Variants in PKD1L3 observed in about 807,000 individuals in gnomAD.
The protein encoded by PKD1L3 is polycystin-1-like protein 3.
Under a neutral mutation model 184.1 loss-of-function variants are expected in PKD1L3, and 239 were observed. That is an observed-to-expected ratio of 1.30 (90% CI 1.17 to 1.45). PKD1L3 has a LOEUF of 1.45. PKD1L3 is among the 40% of genes most tolerant of loss of function. The pLI, the probability that PKD1L3 is intolerant of heterozygous loss-of-function variation, is 0.00. For synonymous variants in PKD1L3, 996 were observed against 778.8 expected (o/e 1.28, Z -4.64); for missense variants, 2,660 against 2,067.2 (o/e 1.29, Z -5.56).
intron 2 of PKD1L3, among the ~76,000 whole-genome samples, chr16:71,996,539 C>A (rs1343713539): frequency 6.6e-6 from 1 of 152,138 alleles, no homozygotes; most frequent in Non-Finnish European, 1.5e-5. Context: ...GGATTACAGG[C>A]ATGAGCCACT....
chr16:71,947,761 G>A (rs1324287232), intron 21 of PKD1L3, among the ~76,000 whole-genome samples, 170 bp from the exon 22 acceptor site: 1 of 152,198 alleles, frequency 6.6e-6, no homozygotes, highest in Non-Finnish European at 1.5e-5. Flanking sequence ...GGTACCAGGA[G>A]AAGGACCATC....
intron 9 of PKD1L3, among the ~76,000 whole-genome samples, chr16:71,979,022 T>C (rs577796571): frequency 1.3e-5 from 2 of 152,250 alleles, no homozygotes; most frequent in Non-Finnish European, 2.9e-5. Context: ...GTAACTGTTC[T>C]GCTCTTCAGG....
intron 13 of PKD1L3, among the ~76,000 whole-genome samples, chr16:71,968,810 G>T (rs557023349): frequency 3.1e-4 from 47 of 152,118 alleles, no homozygotes; most frequent in Non-Finnish European, 4.6e-4. Flanking sequence ...TGGCCAGGCT[G>T]GTCTTGAACT....
Position 71,951,603 on chromosome 16 carries a change from G to A in PKD1L3, c.3151C>T (p.Gln1051Ter). The A allele has an allele frequency of 6.4e-7, 1 of 1,551,812 alleles. No individual in the cohort carries two copies. The highest frequency in any genetic ancestry group is 8.7e-7 in the Non-Finnish European group (1 of 1,147,008). Residue 1051 changes from glutamine to a stop codon, truncating the protein, a stop_gained, in exon 19 of 30, where the codon CAA becomes TAA. Coordinates refer to ENST00000620267, the MANE Select transcript of PKD1L3 (RefSeq NM_181536.2). LOFTEE classifies it high-confidence loss of function. ...CGCTCTCCCTGCTGATGACAGCCTT[G>A]ACCCTCCAAGTGAGATGATACGAGG... The part of the protein sequence containing the change: ...SSLVSSHLEG[Q>*]GCHQQGERHW...
At chr16:71,960,386 A>G (rs1298558131) in intron 16 of PKD1L3, among the ~76,000 whole-genome samples, 1 of 152,208 alleles carries the variant, frequency 6.6e-6, no homozygotes, top group Non-Finnish European at 1.5e-5. Flanking sequence ...TGTTGCTTGC[A>G]AGACATAACT....
chr16:71,943,537 C>CAAAA (rs10693124), intron 23 of PKD1L3, among the ~76,000 whole-genome samples: 9,786 of 83,976 alleles, frequency 0.12, 890 homozygotes, highest in Non-Finnish European at 0.15. Context: ...GACTCCGTCT[C>CAAAA]AAAAAAAAAA....
At chr16:71,963,868 C>A (rs2032606877) in intron 15 of PKD1L3, among the ~76,000 whole-genome samples, 1 of 152,194 alleles carries the variant, frequency 6.6e-6, no homozygotes, top group Admixed American at 6.5e-5. Context: ...AGACTGCAAA[C>A]CTTTCTCACC....
intron 24 of PKD1L3, 134 bp downstream of exon 24, chr16:71,942,426 A>G: frequency 5.8e-6 from 4 of 685,902 alleles, no homozygotes; most frequent in Non-Finnish European, 9.8e-6. Flanking sequence ...TTGGAGATGT[A>G]AGTCTCCAAC....
intron 23 of PKD1L3, 69 bp downstream of exon 23, chr16:71,943,961 T>C: frequency 6.9e-7 from 1 of 1,452,534 alleles, no homozygotes; most frequent in Non-Finnish European, 9.2e-7. Context: ...TTCCATTTTA[T>C]TCTCTCTCTT....
At chr16:71,961,597 C>T (rs2039282157) in intron 16 of PKD1L3, among the ~76,000 whole-genome samples, 1 of 152,054 alleles carries the variant, frequency 6.6e-6, no homozygotes, top group South Asian at 2.1e-4. Context: ...CACAGATGAG[C>T]TCTCAGTTGA....
Position 71,977,356 on chromosome 16 carries a change from C to G in PKD1L3, c.1639G>C (p.Val547Leu), listed in dbSNP as rs1269545389. The G allele has an allele frequency of 6.5e-7, 1 of 1,548,988 alleles. No homozygotes were observed. Among genetic ancestry groups the G allele is most frequent in the Non-Finnish European group, 8.7e-7 (1 of 1,144,674 alleles). Reference sequence around the variant, plus strand: ...AGGGGACTGTCAGGATCTATGCTCACTATCAAGGATTTCTCCAAGGAAGTG... The same window carrying G: ...AGGGGACTGTCAGGATCTATGCTCAGTATCAAGGATTTCTCCAAGGAAGTG... Reference protein sequence around the residue: ...NVTSLEKSLIVSIDPDSPLLM... With the variant: ...NVTSLEKSLILSIDPDSPLLM... Residue 547 changes from valine to leucine, a missense_variant, in exon 11 of 30, where the codon GTG becomes CTG. By Grantham distance (32) the Val-to-Leu change is conservative. Transcript: ENST00000620267.
chr16:71,934,815 G>A (rs1275620432), intron 26 of PKD1L3, among the ~76,000 whole-genome samples: 1 of 152,156 alleles, frequency 6.6e-6, no homozygotes, highest in African/African-American at 2.4e-5. Flanking sequence ...CACCACCCAG[G>A]CTGTTGGCCA....
intron 12 of PKD1L3, among the ~76,000 whole-genome samples, chr16:71,972,683 C>CA (rs566875288): frequency 0.012 from 1,786 of 147,210 alleles, 13 homozygotes; most frequent in Non-Finnish European, 0.018. Context: ...GATCCCACCT[C>CA]AAAAAAAAAA....
chr16:71,984,382 A>T (rs565123608), intron 5 of PKD1L3, among the ~76,000 whole-genome samples: 14 of 152,338 alleles, frequency 9.2e-5, no homozygotes, highest in African/African-American at 3.4e-4. Flanking sequence ...GAATAACGAG[A>T]TTATATAATG....
In PKD1L3 at chr16:71,937,300, AG is replaced by A; in HGVS notation, c.4443del (p.Phe1482SerfsTer7). 6.4e-7 allele frequency: 1 copy of A among 1,551,052 alleles called. No individual in the cohort carries two copies. The highest frequency in any genetic ancestry group is 8.7e-7 in the Non-Finnish European group (1 of 1,146,764). ...TAACATTATTGACTCACCTGTATGA[AG>A]GCATAGTAACAGACCAGTAGATAAT... Reference protein sequence around the residue: ...VIYYLLVCYYAFIQGCQLKQQ... With the variant: ...VIYYLLVCYYXFIQGCQLKQQ... On this transcript the variant is annotated frameshift_variant, in exon 25 of 30. Transcript: ENST00000620267. LOFTEE classifies it high-confidence loss of function.
Position 71,977,560 on chromosome 16 carries a change from C to CTTTTTTTTTTTTTTTTTTTTTT in PKD1L3, c.1528-94_1528-93insAAAAAAAAAAAAAAAAAAAAAA, listed in dbSNP as rs1555523481. Reference sequence around the variant, plus strand: ...GATAAGGTAAGGAAACGTCCTAGCTCTTTTTTTTTTTTTTTTTTTTGAGAT... The same window carrying CTTTTTTTTTTTTTTTTTTTTTT: ...GATAAGGTAAGGAAACGTCCTAGCTCTTTTTTTTTTTTTTTTTTTTTTTTTTTTTTTTTTTTTTTTTTGAGAT... On this transcript the variant is annotated intron_variant, in intron 10 of 29. Coordinates refer to ENST00000620267, the MANE Select transcript of PKD1L3 (RefSeq NM_181536.2). The CTTTTTTTTTTTTTTTTTTTTTT allele has an allele frequency of 4.0e-6, 2 of 500,298 alleles. 1 individual carries two copies. The allele number at this position is 500,298 out of a possible 1,614,324, so 31.0% of individuals were successfully genotyped here.
intron 2 of PKD1L3, among the ~76,000 whole-genome samples, chr16:71,993,817 C>T (rs1456409335): frequency 6.6e-6 from 1 of 152,118 alleles, no homozygotes; most frequent in African/African-American, 2.4e-5. Flanking sequence ...CTCTGTTGCC[C>T]AGGCTGGAAT....
At chr16:71,944,235 A>C in intron 22 of PKD1L3, 65 bp from the exon 23 acceptor site, 1 of 1,413,574 alleles carries the variant, frequency 7.1e-7, no homozygotes, top group Non-Finnish European at 9.7e-7. Flanking sequence ...CTCACCATTC[A>C]TTGAGCATCT....
In PKD1L3 at chr16:71,951,759, A is replaced by G; in HGVS notation, c.3010-15T>C. 2 of 1,539,728 alleles carry G rather than the reference A, an allele frequency of 1.3e-6. No homozygotes were observed. Among genetic ancestry groups the G allele is most frequent in the Non-Finnish European group, 1.8e-6 (2 of 1,140,892 alleles). On this transcript the variant is annotated splice_polypyrimidine_tract_variant and intron_variant, in intron 18 of 29. Transcript: ENST00000620267. ...TCCTTTAATTCCTGAATGTAGGACC[A>G]GATGAGAAAAATCAGCCTGTTTTTC...
Sources: gnomAD v4.1 joint callset for allele counts (sites outside exome capture counted in the v4.1 genomes callset) on GRCh38, gnomAD v4.1.1 for gene constraint, MANE v1.5 for transcripts, NCBI Gene and HGNC (gene_info 2026-07-23, HGNC 2026-07-21) for gene names.